Variants in CER1 observed in about 807,000 individuals in gnomAD.
CER1 encodes cerberus.
Under a neutral mutation model 11.8 loss-of-function variants are expected in CER1, and 10 were observed. That is an observed-to-expected ratio of 0.85 (90% CI 0.52 to 1.44). The LOEUF is 1.44. Ranked by LOEUF, CER1 falls within the 40% of genes most tolerant of loss-of-function variation. The probability of loss-of-function intolerance (pLI) is 0.00; values close to 1 mark genes in which losing one functional copy is unlikely to be tolerated. For missense variants in CER1, 431 were observed against 327.0 expected (o/e 1.32, Z -2.45); for synonymous variants, 141 against 122.3 (o/e 1.15, Z -1.01).
Position 14,722,493 on chromosome 9 carries a change from C to T in CER1, c.180G>A (p.Val60=), listed in dbSNP as rs1378750637. The change falls in exon 1 of 2, where the codon GTG becomes GTA. Residue 60 remains valine, a synonymous_variant. Coordinates refer to ENST00000380911, the MANE Select transcript of CER1 (RefSeq NM_005454.3). The part of the protein sequence containing the change: ...AEEKPDLFVA[V]PHLVATSPAG... ...CAGGGCTGGTGGCTACAAGGTGTGG[C>T]ACTGCGACAAACAGATCTGGCTTCT... is the stretch of plus-strand genomic sequence containing the variant. The T allele has an allele frequency of 1.9e-6, 3 of 1,614,204 alleles. No individual in the cohort carries two copies. The Admixed American group carries it at 5.0e-5, about 27-fold the overall frequency.
Position 14,722,658 on chromosome 9 carries a change from TAAG to T in CER1, c.12_14del (p.Leu5del), listed in dbSNP as rs1563781624. 7 of 1,600,190 alleles carry T rather than the reference TAAG, an allele frequency of 4.4e-6. No homozygotes were observed. In the East Asian group the frequency reaches 1.3e-4, roughly 31 times the overall value. ...GAGGCAGGAGTACCAGCAGCTGAAA[TAAG>T]AGGAGATGCATGCTGTCAGGGGCCC... is the stretch of plus-strand genomic sequence containing the variant. On this transcript the variant is annotated inframe_deletion, in exon 1 of 2. Coordinates refer to ENST00000380911, the MANE Select transcript of CER1 (RefSeq NM_005454.3).
chr9:14,717,922 T>C (rs138754107), downstream of CER1, among the ~76,000 whole-genome samples: 1 of 152,350 alleles, frequency 6.6e-6, no homozygotes. Flanking sequence ...GAGGATTAAA[T>C]TGTTAACTTC....
At chr9:14,718,325 T>C (rs1839961522), downstream of CER1, among the ~76,000 whole-genome samples, 1 of 152,202 alleles carries the variant, frequency 6.6e-6, no homozygotes, top group South Asian at 2.1e-4. Flanking sequence ...ATTGCAATCA[T>C]GACAGCTGTT....
chr9:14,720,109 A>C lies in CER1; in HGVS notation c.785T>G (p.Ile262Ser). Residue 262 changes from isoleucine to serine, a missense_variant, in exon 2 of 2, where the codon ATC becomes AGC. Ile to Ser is a moderately radical substitution (Grantham distance 142). Coordinates refer to ENST00000380911, the MANE Select transcript of CER1 (RefSeq NM_005454.3). ...ILHAGSQDSF[I>S]PGVSA Reference sequence around the variant, plus strand: ...AGCTCTTCAAGCTGAAACTCCTGGGATAAAGGAATCCTGGGAGCCAGCATG... The same window carrying C: ...AGCTCTTCAAGCTGAAACTCCTGGGCTAAAGGAATCCTGGGAGCCAGCATG... 2 of 1,613,730 alleles carry C rather than the reference A, an allele frequency of 1.2e-6. No individual in the cohort carries two copies. The highest frequency in any genetic ancestry group is 8.5e-7 in the Non-Finnish European group (1 of 1,179,706).
intron 1 of CER1, among the ~76,000 whole-genome samples, 196 bp downstream of exon 1, chr9:14,721,970 T>C (rs538726854): frequency 6.6e-6 from 1 of 152,324 alleles, no homozygotes; most frequent in South Asian, 2.1e-4. Context: ...TTGCAGCATT[T>C]CCACAATGCC....
downstream of CER1, among the ~76,000 whole-genome samples, chr9:14,718,777 A>T (rs921696462): frequency 8.5e-5 from 13 of 152,286 alleles, no homozygotes; most frequent in East Asian, 2.3e-3. Flanking sequence ...ATGTGTAAAA[A>T]TTAACACAGA....
chr9:14,719,557 GCCTGCCTTCCTTCCTTCCTT>G (rs1412739234), downstream of CER1, among the ~76,000 whole-genome samples: 1,305 of 76,316 alleles, frequency 0.017, 20 homozygotes, highest in African/African-American at 0.05. Context: ...CTGCCTGCCT[GCCTGCCTTCCTTCCTTCCTT>G]CCTTCCTTCC....
At position 14,720,348 on chromosome 9, in the gene CER1, C is replaced by G. The variant is rs372214721; in HGVS notation, c.546G>C (p.Gln182His). 6.2e-6 allele frequency: 10 copies of G among 1,613,312 alleles called. No individual in the cohort carries two copies. In the African/African-American group the frequency reaches 9.3e-5, roughly 15 times the overall value. ...THEGCEKVVV[Q>H]NNLCFGKCGS... ...CGCATTTCCCAAAGCAAAGGTTGTT[C>G]TGAACAACTACTTTTTCACAGCCTT... Residue 182 changes from glutamine to histidine, a missense_variant, in exon 2 of 2, where the codon CAG becomes CAC. By Grantham distance (24) the Gln-to-His change is conservative. Coordinates refer to ENST00000380911, the MANE Select transcript of CER1 (RefSeq NM_005454.3).
chr9:14,722,072 A>G, intron 1 of CER1, 94 bp downstream of exon 1: 1 of 1,389,682 alleles, frequency 7.2e-7, no homozygotes, highest in Admixed American at 2.2e-5. Flanking sequence ...AGCTAGAGTC[A>G]GGCTCCTGAC....
In CER1 at chr9:14,722,664, G is replaced by A; in HGVS notation, c.9C>T (p.Leu3=). 1 of 1,599,028 alleles carries A rather than the reference G, an allele frequency of 6.3e-7. No individual in the cohort carries two copies. The highest frequency in any genetic ancestry group is 1.3e-5 in the African/African-American group (1 of 74,902). Residue 3 remains leucine, a synonymous_variant, in exon 1 of 2, where the codon CTC becomes CTT. Transcript: ENST00000380911. ...GGAGTACCAGCAGCTGAAATAAGAG[G>A]AGATGCATGCTGTCAGGGGCCCAAG... MH[L]LLFQLLVLLP... is the part of the protein sequence containing the mutation.
rs566653762 is a variant in CER1 at position 14,722,358 on chromosome 9, G to C, written c.315C>G (p.Phe105Leu). The stretch of plus-strand genomic sequence containing the variant: ...GGATGAGGGACTGGGTCCCAGGTGG[G>C]AAGGGCTCACTATCTGAGTCCCTGG... ...HPSRDSDSEP[F>L]PPGTQSLIQP... Residue 105 changes from phenylalanine to leucine, a missense_variant, in exon 1 of 2, where the codon TTC becomes TTG. Phe to Leu is a conservative substitution (Grantham distance 22). Coordinates refer to ENST00000380911, the MANE Select transcript of CER1 (RefSeq NM_005454.3). 3.1e-6 allele frequency: 5 copies of C among 1,614,182 alleles called. No individual in the cohort carries two copies. In the South Asian group the frequency reaches 5.5e-5, roughly 18 times the overall value.
chr9:14,720,725 T>A (rs1175927418), intron 1 of CER1, among the ~76,000 whole-genome samples: 1 of 152,218 alleles, frequency 6.6e-6, no homozygotes, highest in African/African-American at 2.4e-5. Flanking sequence ...CTTACATAAG[T>A]AATGTGCCTT....
At chr9:14,719,619 T>TTCC (rs1839979980), downstream of CER1, 1 of 99,630 alleles carries the variant, frequency 1.0e-5, no homozygotes. Flanking sequence ...TCCTTCCTTC[T>TTCC]TTCCTTCCTT....
chr9:14,719,986 C>A lies in CER1; in HGVS notation c.*104G>T. The A allele has an allele frequency of 9.4e-7, 1 of 1,065,470 alleles. No homozygotes were observed. The highest frequency in any genetic ancestry group is 1.4e-6 in the Non-Finnish European group (1 of 717,834). 66.0% of individuals were successfully genotyped at this position (1,065,470 alleles called of 1,614,324 possible). A position where few individuals can be genotyped will look rare whatever the true frequency, so the allele number is the denominator to read the frequency against. On this transcript the variant is annotated 3_prime_UTR_variant, in exon 2 of 2. Coordinates refer to ENST00000380911, the MANE Select transcript of CER1 (RefSeq NM_005454.3). The stretch of plus-strand genomic sequence containing the variant: ...AATTTAAAACTACGTTTCAAGTCAC[C>A]TTTCCCTGAAAATGTTATGTACCCA...
Position 14,722,716 on chromosome 9 carries a change from A to C in CER1, c.-44T>G. 2 of 1,549,756 alleles carry C rather than the reference A, an allele frequency of 1.3e-6. No homozygotes were observed. Among genetic ancestry groups the C allele is most frequent in the Non-Finnish European group, 1.7e-6 (2 of 1,159,816 alleles). Reference sequence around the variant, plus strand: ...TTCTTTTGTAAATGATGAGGCCCAAAGGAGAGGCTCATTCTCTGCAGGACT... The same window carrying C: ...TTCTTTTGTAAATGATGAGGCCCAACGGAGAGGCTCATTCTCTGCAGGACT... On this transcript the variant is annotated 5_prime_UTR_variant, in exon 1 of 2. Transcript: ENST00000380911.
intron 1 of CER1, 147 bp downstream of exon 1, chr9:14,722,019 G>A: frequency 1.1e-6 from 1 of 914,070 alleles, no homozygotes; most frequent in Non-Finnish European, 1.6e-6. Flanking sequence ...CTTAATCTTT[G>A]CCAAATCCTA....
chr9:14,720,868 T>C (rs1485341065), intron 1 of CER1, among the ~76,000 whole-genome samples: 1 of 152,156 alleles, frequency 6.6e-6, no homozygotes, highest in East Asian at 1.9e-4. Flanking sequence ...TACATTCAAG[T>C]CTATGAAGTT....
intron 1 of CER1, among the ~76,000 whole-genome samples, chr9:14,721,734 C>T (rs1840015515): frequency 6.6e-6 from 1 of 152,094 alleles, no homozygotes; most frequent in Admixed American, 6.6e-5. Flanking sequence ...ACTTTATCAA[C>T]AAATGGAGTT....
At chr9:14,720,433 T>A (rs1255657632) in intron 1 of CER1, 47 bp from the exon 2 acceptor site, 1 of 1,523,778 alleles carries the variant, frequency 6.6e-7, no homozygotes, top group South Asian at 1.2e-5. Flanking sequence ...ATTATTTCTT[T>A]AACACACATA....
Sources: allele counts gnomAD v4.1 joint callset (sites outside exome capture counted in the v4.1 genomes callset), GRCh38; gene constraint gnomAD v4.1.1; transcripts MANE v1.5; gene names NCBI Gene and HGNC (gene_info 2026-07-23, HGNC 2026-07-21).